SHOC2: variants seen among roughly 807,000 people sequenced by gnomAD.
SHOC2 encodes leucine-rich repeat protein SHOC-2.
A neutral mutation model predicts 50.2 loss-of-function variants in SHOC2; 4 were observed. The ratio of observed to expected loss-of-function variants is 0.08; its 90% CI spans 0.04 to 0.18. The LOEUF (loss-of-function observed/expected upper bound fraction) is 0.18, where lower values mean the gene tolerates loss of function less well. Among genes scored for constraint, SHOC2 ranks in the 10% least tolerant of loss-of-function variants. SHOC2 has a pLI of 1.00. For missense variants in SHOC2, 388 were observed against 669.6 expected (o/e 0.58, Z 4.64); for synonymous variants, 218 against 244.5 (o/e 0.89, Z 1.01).
chr10:110,981,876 T>TTTTTTTTTATTATACTC (rs369735711), intron 2 of SHOC2, among the ~76,000 whole-genome samples: 10 of 135,412 alleles, frequency 7.4e-5, no homozygotes, highest in Admixed American at 1.5e-4. Context: ...ATTTATTTTT[T>TTTTTTTTTATTATACTC]TAAGTTTTAG....
chr10:110,981,021 C>G (rs1847966628), intron 2 of SHOC2, among the ~76,000 whole-genome samples: 1 of 152,172 alleles, frequency 6.6e-6, no homozygotes, highest in Non-Finnish European at 1.5e-5. Flanking sequence ...ATTTCCTGCA[C>G]TGTTGAATCT....
intron 1 of SHOC2, among the ~76,000 whole-genome samples, chr10:110,951,326 A>T (rs1440505365): frequency 5.3e-5 from 8 of 152,242 alleles, no homozygotes; most frequent in Non-Finnish European, 1.2e-4. Flanking sequence ...CCACAATGAG[A>T]TGTCACCTCA....
intron 1 of SHOC2, among the ~76,000 whole-genome samples, chr10:110,935,899 T>C (rs1223658083): frequency 6.6e-6 from 1 of 152,152 alleles, no homozygotes; most frequent in East Asian, 1.9e-4. Flanking sequence ...GCCATAGTTT[T>C]AGACCAATAG....
rs1055729108 is a variant in SHOC2 at position 110,985,714 on chromosome 10, A to G, written c.790A>G (p.Thr264Ala). The G allele has an allele frequency of 6.2e-7, 1 of 1,613,134 alleles. No homozygotes were observed. Among genetic ancestry groups the G allele is most frequent in the Non-Finnish European group, 8.5e-7 (1 of 1,179,540 alleles). The part of the protein sequence containing the change: ...PKEIGNCTQI[T>A]NLDLQHNELL... ...GGAGATTGGAAACTGTACACAGATAACCAACCTTGACTTGCAGCACAATGA... is the reference window on the plus strand; with the variant it reads ...GGAGATTGGAAACTGTACACAGATAGCCAACCTTGACTTGCAGCACAATGA... Residue 264 changes from threonine to alanine, a missense_variant, in exon 3 of 9, where the codon ACC becomes GCC. Around this residue, in one of 5 missense-constraint regions of SHOC2, gnomAD observed 88 missense variants for 147.2 expected, o/e 0.60. Transcript: ENST00000369452.
At chr10:110,989,014 G>A in intron 3 of SHOC2, 1 of 506,388 alleles carries the variant, frequency 2.0e-6, no homozygotes, top group South Asian at 1.5e-5. Flanking sequence ...CCTGATAGAA[G>A]AATGTTATTT....
intron 1 of SHOC2, among the ~76,000 whole-genome samples, chr10:110,943,938 T>C (rs1004141479): frequency 6.6e-6 from 1 of 152,192 alleles, no homozygotes; most frequent in Non-Finnish European, 1.5e-5. Context: ...AGCACACTTC[T>C]TCCACATATT....
At chr10:110,971,207 A>C (rs910915382) in intron 2 of SHOC2, among the ~76,000 whole-genome samples, 34 of 152,084 alleles carry the variant, frequency 2.2e-4, no homozygotes, top group African/African-American at 8.0e-4. Context: ...TCTTCAATTC[A>C]TTCTGAGTTA....
intron 2 of SHOC2, among the ~76,000 whole-genome samples, chr10:110,971,310 G>A (rs929825291): frequency 6.6e-6 from 1 of 152,090 alleles, no homozygotes; most frequent in Non-Finnish European, 1.5e-5. Flanking sequence ...TGAAGGGTCT[G>A]TCCTTTCTTC....
intron 1 of SHOC2, among the ~76,000 whole-genome samples, chr10:110,948,385 A>C (rs1399011854): frequency 6.6e-6 from 1 of 152,242 alleles, no homozygotes; most frequent in Non-Finnish European, 1.5e-5. Context: ...TTTTAGGCCA[A>C]ATGGACGTAA....
At chr10:110,961,928 C>A (rs990100074) in intron 1 of SHOC2, among the ~76,000 whole-genome samples, 1 of 151,840 alleles carries the variant, frequency 6.6e-6, no homozygotes. Context: ...ATGTGTTTCC[C>A]GAACTTGATA....
intron 3 of SHOC2, among the ~76,000 whole-genome samples, chr10:110,987,452 G>A (rs551207412): frequency 6.6e-6 from 1 of 152,158 alleles, no homozygotes; most frequent in South Asian, 2.1e-4. Flanking sequence ...TTTGGCCCAT[G>A]ACACTATCGT....
In SHOC2 at chr10:111,004,975, C is replaced by A. The variant is rs185083635; in HGVS notation, c.1161+181C>A. 5.7e-3 allele frequency among the ~76,000 whole-genome samples: 864 copies of A among 152,158 alleles called. 5 individuals carry two copies. Among genetic ancestry groups the A allele is most frequent in the Non-Finnish European group, 9.8e-3 (663 of 67,988 alleles). The stretch of plus-strand genomic sequence containing the variant: ...AACAAATATCTTAGAACTGAGCATA[C>A]CCTTAGGATTTTGTCCTAAAGAAAT... On this transcript the variant is annotated intron_variant, in intron 5 of 8. Coordinates refer to ENST00000369452, the MANE Select transcript of SHOC2 (RefSeq NM_007373.4).
chr10:110,949,679 C>T (rs1229696969), intron 1 of SHOC2, among the ~76,000 whole-genome samples: 1 of 151,988 alleles, frequency 6.6e-6, no homozygotes, highest in African/African-American at 2.4e-5. Flanking sequence ...CGCAGAAATC[C>T]TCAACAAAAT....
chr10:110,956,468 C>T (rs1847465779), intron 1 of SHOC2, among the ~76,000 whole-genome samples: 1 of 152,148 alleles, frequency 6.6e-6, no homozygotes, highest in Admixed American at 6.5e-5. Context: ...ACCTTAAGAC[C>T]ACTCTGCTTC....
chr10:110,983,424 C>A (rs1212758057), intron 2 of SHOC2, among the ~76,000 whole-genome samples: 1 of 152,008 alleles, frequency 6.6e-6, no homozygotes, highest in African/African-American at 2.4e-5. Flanking sequence ...ATTTGAGATC[C>A]TGCCTCTTTT....
intron 1 of SHOC2, among the ~76,000 whole-genome samples, chr10:110,938,473 T>C (rs1397521329): frequency 6.6e-6 from 1 of 152,140 alleles, no homozygotes; most frequent in Non-Finnish European, 1.5e-5. Flanking sequence ...TAATTTATAA[T>C]AATAAAATTT....
At chr10:110,938,609 T>C (rs1296595481) in intron 1 of SHOC2, among the ~76,000 whole-genome samples, 1 of 152,178 alleles carries the variant, frequency 6.6e-6, no homozygotes, top group Non-Finnish European at 1.5e-5. Flanking sequence ...CAAATAAATT[T>C]GGGATATCTT....
chr10:110,997,267 AG>A (rs1343042070), intron 3 of SHOC2, among the ~76,000 whole-genome samples: 2 of 152,216 alleles, frequency 1.3e-5, no homozygotes, highest in Non-Finnish European at 2.9e-5. Flanking sequence ...CAAAAGAAAA[AG>A]GATAGTGGAA....
intron 3 of SHOC2, among the ~76,000 whole-genome samples, chr10:110,987,577 C>A (rs1048156079): frequency 6.6e-6 from 1 of 152,008 alleles, no homozygotes; most frequent in African/African-American, 2.4e-5. Context: ...CTATTAATAT[C>A]CAAAATAAAT....
Sources: allele counts gnomAD v4.1 joint callset (sites outside exome capture counted in the v4.1 genomes callset), GRCh38; gene constraint gnomAD v4.1.1; regional missense constraint gnomAD v4.1.1; transcripts MANE v1.5; gene names NCBI Gene and HGNC (gene_info 2026-07-23, HGNC 2026-07-21).